The following CHD8 variants were observed in gnomAD, a reference collection of about 807,000 sequenced individuals.
The protein encoded by CHD8 is chromodomain helicase DNA binding protein 8.
CHD8 carries 31 observed loss-of-function variants against 279.2 expected under a neutral mutation model. The ratio of observed to expected loss-of-function variants is 0.11; its 90% CI spans 0.08 to 0.15. CHD8 has a LOEUF of 0.15. Among genes scored for constraint, CHD8 ranks in the 10% least tolerant of loss-of-function variants. The pLI, the probability that CHD8 is intolerant of heterozygous loss-of-function variation, is 1.00. For missense variants in CHD8, 2,146 were observed against 3,230.5 expected, an observed-to-expected ratio of 0.66 and a Z score of 8.14; for synonymous variants, 1,081 against 1,139.6, an observed-to-expected ratio of 0.95 and a Z score of 1.04.
rs1298640745 is a variant in CHD8 at position 21,408,116 on chromosome 14, C to G, written c.2730+196G>C. On this transcript the variant is annotated intron_variant, in intron 13 of 37. Coordinates refer to ENST00000646647, the MANE Select transcript of CHD8 (RefSeq NM_001170629.2). This position sits in a 1 kb window ranked among gnomAD's most constrained non-coding sequence, Gnocchi z 4.3. ...GAACTTCTACCAGATCAAATGTCTA[C>G]TAGGTAAAAAAAATAGCAAAGTCAA... is the stretch of plus-strand genomic sequence containing the variant. Among the ~76,000 whole-genome samples, 1 of 152,032 alleles carries G rather than the reference C, an allele frequency of 6.6e-6. No individual in the cohort carries two copies.
chr14:21,410,956 A>G (rs922135692), intron 10 of CHD8, among the ~76,000 whole-genome samples: 3 of 152,188 alleles, frequency 2.0e-5, no homozygotes, highest in African/African-American at 4.8e-5. Context: ...TATTTCCACC[A>G]TTAGGTAATA....
At position 21,405,681 on chromosome 14, in the gene CHD8, C is replaced by T; in HGVS notation, c.3051+40G>A. Reference sequence around the variant, plus strand: ...GTCTGCCTTGTACAAACTTCACCTTCTTTGTCCTGAGTTAGTACCTCATCA... The same window carrying T: ...GTCTGCCTTGTACAAACTTCACCTTTTTTGTCCTGAGTTAGTACCTCATCA... On this transcript the variant is annotated intron_variant, in intron 15 of 37. Coordinates refer to ENST00000646647, the MANE Select transcript of CHD8 (RefSeq NM_001170629.2). This position sits in a 1 kb window ranked among gnomAD's most constrained non-coding sequence, Gnocchi z 4.2. 6.2e-7 allele frequency: 1 copy of T among 1,607,310 alleles called. No homozygotes were observed. The highest frequency in any genetic ancestry group is 8.5e-7 in the Non-Finnish European group (1 of 1,176,196).
intron 37 of CHD8, 99 bp downstream of exon 37, chr14:21,390,847 AG>A (rs1462806364): frequency 3.0e-6 from 2 of 677,468 alleles, no homozygotes; most frequent in African/African-American, 1.8e-5. Context: ...AAACAAACAT[AG>A]GAAAAAAGAT....
chr14:21,397,444 A>G (rs1303166505), intron 27 of CHD8: 1 of 491,948 alleles, frequency 2.0e-6, no homozygotes, highest in African/African-American at 1.9e-5. Context: ...GTCAGGTACC[A>G]TTGGGAGATG....
At chr14:21,394,237 T>G in intron 31 of CHD8, 40 bp downstream of exon 31, 1 of 1,612,238 alleles carries the variant, frequency 6.2e-7, no homozygotes. Flanking sequence ...GAGTTGCTTC[T>G]GTTGGCATCC....
intron 27 of CHD8, 43 bp downstream of exon 27, chr14:21,397,780 C>T (rs781740046): frequency 1.6e-5 from 26 of 1,591,414 alleles, no homozygotes; most frequent in Middle Eastern, 1.7e-4. Flanking sequence ...AGTTATTTCA[C>T]GGCACAAGTT....
intron 1 of CHD8, among the ~76,000 whole-genome samples, chr14:21,444,384 A>G (rs1469445971): frequency 6.6e-6 from 1 of 152,236 alleles, no homozygotes; most frequent in Non-Finnish European, 1.5e-5. Context: ...GCTAATACCT[A>G]TGAGCTTGAG....
rs1887980353 is a variant in CHD8, at chr14:21,400,417, A to G, written c.4566T>C (p.His1522=). 5.0e-6 allele frequency: 8 copies of G among 1,600,508 alleles called. No individual in the cohort carries two copies. The highest frequency in any genetic ancestry group is 6.8e-6 in the Non-Finnish European group (8 of 1,176,122). The part of the protein sequence containing the change: ...ENGKTKELQN[H]SGLSIPVPRG... ...AAGTAAAGAGTTGATAATTACCTGA[A>G]TGATTCTGCAATTCTTTTGTCTTGC... The change falls in exon 23 of 38, where the codon CAT becomes CAC. Residue 1522 remains histidine (H), a synonymous_variant. Transcript: ENST00000646647. The surrounding 1 kb of genome is among the most constrained non-coding windows in gnomAD (Gnocchi z 4.2).
intron 1 of CHD8, among the ~76,000 whole-genome samples, chr14:21,454,216 A>AGAAAAGAAAC (rs1170237658): frequency 5.8e-4 from 87 of 150,380 alleles, no homozygotes; most frequent in Non-Finnish European, 1.0e-3. Flanking sequence ...AGAAAAGAAA[A>AGAAAAGAAAC]GAAAACTGAC....
In CHD8 at chr14:21,394,991, C is replaced by T; in HGVS notation, c.5311G>A (p.Glu1771Lys). The change falls in exon 30 of 38, where the codon GAA becomes AAA. Residue 1771 changes from glutamate (E) to lysine (K), a missense_variant. Physicochemically the swap from Glu to Lys is moderately conservative, Grantham distance 56. This residue lies in a region of CHD8 where 513 missense variants were observed against 637.6 expected (regional missense o/e 0.80). Coordinates refer to ENST00000646647, the MANE Select transcript of CHD8 (RefSeq NM_001170629.2). ...CGCCGCCTTCGCCGGTCCCCACGTTCTGCAGCCTCTATCTTCATTTGTTCT... is the reference window on the plus strand; with the variant it reads ...CGCCGCCTTCGCCGGTCCCCACGTTTTGCAGCCTCTATCTTCATTTGTTCT... Reference protein sequence around the residue: ...KREQMKIEAAERGDRRRRRCE... With the variant: ...KREQMKIEAAKRGDRRRRRCE... The T allele has an allele frequency of 1.9e-6, 3 of 1,614,048 alleles. No homozygotes were observed.
intron 28 of CHD8, 104 bp downstream of exon 28, chr14:21,395,713 T>G: frequency 1.3e-6 from 1 of 755,900 alleles, no homozygotes; most frequent in Non-Finnish European, 2.3e-6. Flanking sequence ...ATTTTCCATT[T>G]TGTATTATAA....
intron 5 of CHD8, 84 bp downstream of exon 5, chr14:21,426,044 T>C: frequency 1.2e-6 from 1 of 822,782 alleles, no homozygotes; most frequent in Non-Finnish European, 2.0e-6. Context: ...GTGTATAGAC[T>C]TACGATTTCT....
intron 1 of CHD8, among the ~76,000 whole-genome samples, chr14:21,451,643 G>C (rs1324380994): frequency 4.7e-5 from 7 of 150,146 alleles, no homozygotes; most frequent in Admixed American, 4.0e-4. Flanking sequence ...ATGCCTGCTG[G>C]AATTTTTATT....
chr14:21,391,701 G>A, intron 35 of CHD8, 59 bp from the exon 36 acceptor site: 1 of 1,497,144 alleles, frequency 6.7e-7, no homozygotes, highest in Admixed American at 1.8e-5. Flanking sequence ...AGGGAGGGAG[G>A]GGGAGCAGGG....
At chr14:21,439,199 C>T (rs1190159849) in intron 1 of CHD8, among the ~76,000 whole-genome samples, 1 of 152,176 alleles carries the variant, frequency 6.6e-6, no homozygotes, top group Non-Finnish European at 1.5e-5. Context: ...ACATTGAAAT[C>T]CTATTTTCTT....
chr14:21,416,259 A>G (rs1339331605), intron 5 of CHD8: 1 of 182,812 alleles, frequency 5.5e-6, no homozygotes, highest in African/African-American at 2.3e-5. Flanking sequence ...TTTTGTTTCC[A>G]TTTTTTGCTT....
At position 21,402,259 on chromosome 14, in the gene CHD8, CCTGTGT is replaced by C; in HGVS notation, c.3882+71_3882+76del. ...AGAATCCAAACAAGGTAGTCAAATC[CCTGTGT>C]ACAAATAGCTTTTGTTTCCCTCTAT... On this transcript the variant is annotated intron_variant, in intron 19 of 37. Coordinates refer to ENST00000646647, the MANE Select transcript of CHD8 (RefSeq NM_001170629.2). This position sits in a 1 kb window ranked among gnomAD's most constrained non-coding sequence, Gnocchi z 4.5. 6.4e-7 allele frequency: 1 copy of C among 1,552,558 alleles called. No individual in the cohort carries two copies. Among genetic ancestry groups the C allele is most frequent in the Non-Finnish European group, 8.9e-7 (1 of 1,127,136 alleles).
chr14:21,393,344 A>G, intron 32 of CHD8, 90 bp from the exon 33 acceptor site: 3 of 1,551,748 alleles, frequency 1.9e-6, no homozygotes, highest in Non-Finnish European at 2.6e-6. Context: ...ATAAAGGCCC[A>G]AAGAATGGCA....
intron 10 of CHD8, among the ~76,000 whole-genome samples, chr14:21,411,551 GGCTCTGC>G (rs1888492923): frequency 6.6e-6 from 1 of 152,156 alleles, no homozygotes; most frequent in Non-Finnish European, 1.5e-5. Flanking sequence ...ATCTTAAAAA[GGCTCTGC>G]TGTTCTCTAC....
Sources: allele counts gnomAD v4.1 joint callset (sites outside exome capture counted in the v4.1 genomes callset), GRCh38; gene constraint gnomAD v4.1.1; regional missense constraint gnomAD v4.1.1; non-coding constraint Gnocchi (gnomAD v3.1); transcripts MANE v1.5; gene names NCBI Gene and HGNC (gene_info 2026-07-23, HGNC 2026-07-21).